The following FGD4 variants were observed in gnomAD, a reference collection of about 807,000 sequenced individuals.
FGD4 encodes the protein FYVE, RhoGEF and PH domain containing 4.
A neutral mutation model predicts 102.0 loss-of-function variants in FGD4; 42 were observed. That is an observed-to-expected ratio of 0.41 (90% CI 0.32 to 0.53). The LOEUF is 0.53. Among genes scored for constraint, FGD4 ranks in the 20% least tolerant of loss-of-function variants. The pLI is 0.21. For synonymous variants in FGD4, 380 were observed against 375.7 expected (o/e 1.01, Z -0.13); for missense variants, 902 against 1,078.2 (o/e 0.84, Z 2.29).
chr12:32,400,473 C>T lies in FGD4; in HGVS notation c.166+514C>T, dbSNP rs557307076. On this transcript the variant is annotated intron_variant, in intron 1 of 16. Transcript: ENST00000534526. ...TGAAAAGCGGCAAGGAAAGCTGTTC[C>T]TAACATCAGAAAACGGAATCATTAT... 8.7e-4 allele frequency among the ~76,000 whole-genome samples: 133 copies of T among 152,304 alleles called. 1 individual carries two copies. The highest frequency in any genetic ancestry group is 2.9e-3 in the African/African-American group (121 of 41,570).
intron 1 of FGD4, among the ~76,000 whole-genome samples, chr12:32,419,971 G>A (rs1478307481): frequency 1.3e-5 from 2 of 152,184 alleles, no homozygotes; most frequent in Admixed American, 1.3e-4. Context: ...CTTCAAGACT[G>A]TCTTTCCTAT....
At chr12:32,472,200 A>G in intron 1 of FGD4, among the ~76,000 whole-genome samples, 2 of 151,956 alleles carry the variant, frequency 1.3e-5, no homozygotes, top group African/African-American at 2.4e-5. Context: ...GCATTTGAGG[A>G]GCCCTTCAGC....
In FGD4 at chr12:32,572,564, G is replaced by A. The variant is rs76702692; in HGVS notation, c.320-3702G>A. 7.6e-3 allele frequency among the ~76,000 whole-genome samples: 1,163 copies of A among 152,292 alleles called. 10 individuals are homozygous for A. The highest frequency in any genetic ancestry group is 0.026 in the African/African-American group (1,099 of 41,558). Reference sequence around the variant, plus strand: ...AACTTTAGGGTTTTCCATTCTCATCGTCTGTAATGCCAATAGAGACTGATA... The same window carrying A: ...AACTTTAGGGTTTTCCATTCTCATCATCTGTAATGCCAATAGAGACTGATA... On this transcript the variant is annotated intron_variant, in intron 2 of 16. Coordinates refer to ENST00000534526, the MANE Select transcript of FGD4 (RefSeq NM_001370298.3).
At chr12:32,415,083 A>G (rs1941352363) in intron 1 of FGD4, among the ~76,000 whole-genome samples, 1 of 152,254 alleles carries the variant, frequency 6.6e-6, no homozygotes, top group Middle Eastern at 3.4e-3. Flanking sequence ...ATGCGTTTGT[A>G]TATGTTCCAA....
intron 1 of FGD4, chr12:32,502,130 C>T (rs1186563071): frequency 2.0e-6 from 2 of 985,444 alleles, no homozygotes; most frequent in Non-Finnish European, 2.4e-6. Context: ...CCATGGAATC[C>T]ACCATCTGTT....
In FGD4 at chr12:32,644,650, T is replaced by TGG. The variant is rs1049065604; in HGVS notation, c.*4121_*4122dup. On this transcript the variant is annotated 3_prime_UTR_variant, in exon 17 of 17. Coordinates refer to ENST00000534526, the MANE Select transcript of FGD4 (RefSeq NM_001370298.3). ...AAACAAGCAAGAATGAAGAGAGATGTGGGGGAGAGACTGCTGGTCTCCAGA... is the reference window on the plus strand; with the variant it reads ...AAACAAGCAAGAATGAAGAGAGATGTGGGGGGGAGAGACTGCTGGTCTCCAGA... 10 of 152,130 alleles carry TGG rather than the reference T, an allele frequency of 6.6e-5. No homozygotes were observed. The highest frequency in any genetic ancestry group is 1.2e-4 in the Non-Finnish European group (8 of 67,974). 9.4% of individuals were successfully genotyped at this position (152,130 alleles called of 1,614,324 possible).
rs1946131402 is a variant in FGD4 at position 32,576,410 on chromosome 12, G to A, written c.464G>A (p.Ser155Asn). The change falls in exon 3 of 17, where the codon AGT (serine) becomes AAT (asparagine). Residue 155 changes from serine (S) to asparagine (N), a missense_variant. Ser to Asn is a conservative substitution (Grantham distance 46, BLOSUM62 1). Around this residue, in one of 2 missense-constraint regions of FGD4, gnomAD observed 443 missense variants for 459.2 expected, o/e 0.96. Transcript: ENST00000534526. Reference protein sequence around the residue: ...SASCVSKEKPSKVSDLISRFE... With the variant: ...SASCVSKEKPNKVSDLISRFE... ...TCTTGTGTCTCAAAAGAAAAACCCA[G>A]TAAGGTATCAGATCTCATCAGTCGC... The A allele has an allele frequency of 6.2e-7, 1 of 1,614,076 alleles. No homozygotes were observed.
chr12:32,461,785 G>A (rs1231157222), intron 1 of FGD4, among the ~76,000 whole-genome samples: 1 of 152,176 alleles, frequency 6.6e-6, no homozygotes, highest in Non-Finnish European at 1.5e-5. Flanking sequence ...GGAGTGCAGT[G>A]CCGCGATCTC....
chr12:32,629,672 C>CAG (rs1950385395), intron 14 of FGD4, among the ~76,000 whole-genome samples: 2 of 151,936 alleles, frequency 1.3e-5, no homozygotes, highest in Admixed American at 1.3e-4. Context: ...TCTCTATCTC[C>CAG]CATTTTGTTC....
intron 1 of FGD4, among the ~76,000 whole-genome samples, chr12:32,521,298 C>T (rs1940520198): frequency 6.8e-6 from 1 of 147,320 alleles, no homozygotes; most frequent in Non-Finnish European, 1.5e-5. Flanking sequence ...ATTGCTTGAA[C>T]CAGGGAATCG....
intron 1 of FGD4, among the ~76,000 whole-genome samples, chr12:32,442,713 C>T (rs1942486826): frequency 6.6e-6 from 1 of 152,154 alleles, no homozygotes; most frequent in Non-Finnish European, 1.5e-5. Context: ...CACACCACCA[C>T]ACCCAGCTAA....
At chr12:32,428,577 G>A (rs1174971637) in intron 1 of FGD4, among the ~76,000 whole-genome samples, 2 of 152,066 alleles carry the variant, frequency 1.3e-5, no homozygotes, top group African/African-American at 4.8e-5. Context: ...TCTTTATGGT[G>A]TTCTCTGTGT....
chr12:32,410,114 G>T (rs1435793059), intron 1 of FGD4, among the ~76,000 whole-genome samples: 1 of 152,058 alleles, frequency 6.6e-6, no homozygotes, highest in African/African-American at 2.4e-5. Context: ...GGATCATGAG[G>T]TCAGGAGATT....
intron 1 of FGD4, among the ~76,000 whole-genome samples, chr12:32,403,831 G>A (rs895301328): frequency 2.0e-5 from 3 of 151,954 alleles, no homozygotes; most frequent in Non-Finnish European, 2.9e-5. Context: ...TCATGACCTC[G>A]TGATCCGCCC....
chr12:32,404,973 G>A (rs983443754), intron 1 of FGD4, among the ~76,000 whole-genome samples: 1 of 151,906 alleles, frequency 6.6e-6, no homozygotes, highest in African/African-American at 2.4e-5. Context: ...TGGCTCTGTT[G>A]CCCAGGCTGG....
At chr12:32,530,427 G>T (rs1941681645) in intron 1 of FGD4, among the ~76,000 whole-genome samples, 1 of 152,178 alleles carries the variant, frequency 6.6e-6, no homozygotes. Flanking sequence ...AGGTTGCAGT[G>T]AGCTGAGATC....
intron 4 of FGD4, among the ~76,000 whole-genome samples, chr12:32,595,119 G>A (rs899708735): frequency 6.6e-6 from 1 of 151,624 alleles, no homozygotes; most frequent in African/African-American, 2.4e-5. Flanking sequence ...ATGAAGGACA[G>A]CATATTCCTG....
chr12:32,555,210 A>ATG (rs1943990492), intron 1 of FGD4, among the ~76,000 whole-genome samples: 2 of 152,270 alleles, frequency 1.3e-5, no homozygotes, highest in African/African-American at 4.8e-5. Flanking sequence ...GGTGAATAGG[A>ATG]TGTAGAGTAT....
intron 1 of FGD4, among the ~76,000 whole-genome samples, chr12:32,558,095 T>C (rs763391375): frequency 3.9e-5 from 6 of 152,116 alleles, no homozygotes; most frequent in Non-Finnish European, 8.8e-5. Context: ...CACAGTCTCA[T>C]AATGAGAAAA....
Sources: allele counts gnomAD v4.1 joint callset (sites outside exome capture counted in the v4.1 genomes callset), GRCh38; gene constraint gnomAD v4.1.1; regional missense constraint gnomAD v4.1.1; transcripts MANE v1.5; gene names NCBI Gene and HGNC (gene_info 2026-07-23, HGNC 2026-07-21).